RBFOX3: variants seen among roughly 807,000 people sequenced by gnomAD.
RBFOX3 encodes the protein RNA binding protein fox-1 homolog 3.
In RBFOX3, 17 loss-of-function variants were observed where a neutral mutation model predicts 48.7. The observed-to-expected ratio is 0.35, with a 90% CI of 0.24 to 0.52. The LOEUF (loss-of-function observed/expected upper bound fraction) is 0.52. RBFOX3 is among the 20% of genes least tolerant of loss of function. The probability of loss-of-function intolerance (pLI) is 0.94; values close to 1 mark genes in which losing one functional copy is unlikely to be tolerated. For missense variants in RBFOX3, 382 were observed against 497.5 expected, an observed-to-expected ratio of 0.77 and a Z score of 2.21; for synonymous variants, 212 against 209.5, an observed-to-expected ratio of 1.01 and a Z score of -0.10.
chr17:79,469,806 G>A (rs1049177902), intron 2 of RBFOX3, among the ~76,000 whole-genome samples: 5 of 152,206 alleles, frequency 3.3e-5, no homozygotes, highest in Non-Finnish European at 7.3e-5. Context: ...GAAGGAGAGC[G>A]CTCATGAGGG....
chr17:79,163,911 A>G lies in RBFOX3; in HGVS notation c.-33-48163T>C, dbSNP rs564878239. ...GCCTCCTGAACTCTTATGCTGAGCC[A>G]TGCAAACAGGCTGGGGCCAATTGGA... On this transcript the variant is annotated intron_variant, in intron 4 of 14. Coordinates refer to ENST00000693108, the MANE Select transcript of RBFOX3 (RefSeq NM_001350451.2). 2.0e-4 allele frequency among the ~76,000 whole-genome samples: 30 copies of G among 152,322 alleles called. No homozygotes were observed. In the South Asian group the frequency reaches 6.2e-3, roughly 32 times the overall value.
rs538215762 is a variant in RBFOX3 at position 79,388,006 on chromosome 17, G to A, written c.-174-80182C>T. Among the ~76,000 whole-genome samples the A allele has an allele frequency of 7.1e-3, 1,064 of 148,984 alleles. 9 individuals carry two copies. Among genetic ancestry groups the A allele is most frequent in the African/African-American group, 0.024 (1,010 of 41,314 alleles). ...TGTGCATGTGTGAATGTGTACGTGT[G>A]TGTGTGTGTGCATGCAAGTGGATAT... is the stretch of plus-strand genomic sequence containing the variant. On this transcript the variant is annotated intron_variant, in intron 2 of 14. Coordinates refer to ENST00000693108, the MANE Select transcript of RBFOX3 (RefSeq NM_001350451.2).
chr17:79,271,427 T>C (rs928290812), intron 3 of RBFOX3, among the ~76,000 whole-genome samples: 7 of 152,170 alleles, frequency 4.6e-5, no homozygotes, highest in Admixed American at 3.3e-4. Flanking sequence ...AAGCCAGGCA[T>C]GGGAGTCTTC....
intron 2 of RBFOX3, among the ~76,000 whole-genome samples, chr17:79,474,742 C>T (rs1555759458): frequency 1.3e-5 from 2 of 152,204 alleles, no homozygotes. Context: ...TCCACCATCA[C>T]CACCTGACTC....
chr17:79,617,785 C>T, the RBFOX3 span, among the ~76,000 whole-genome samples: 8 of 152,304 alleles, frequency 5.3e-5, no homozygotes, highest in Admixed American at 2.0e-4. Flanking sequence ...TTGCACAGTC[C>T]GCCCATATCA....
chr17:79,253,290 G>A (rs945110224), intron 3 of RBFOX3, among the ~76,000 whole-genome samples: 2 of 151,972 alleles, frequency 1.3e-5, no homozygotes, highest in African/African-American at 2.4e-5. Context: ...AGCCGGGGAG[G>A]ACTCGAATTA....
Position 79,482,604 on chromosome 17 carries a change from G to C in RBFOX3, c.-319-6C>G, listed in dbSNP as rs2078920940. 1 of 152,080 alleles carries C rather than the reference G, an allele frequency of 6.6e-6. No homozygotes were observed. Among genetic ancestry groups the C allele is most frequent in the African/African-American group, 2.4e-5 (1 of 41,390 alleles). 9.4% of individuals were successfully genotyped at this position (152,080 alleles called of 1,614,324 possible). A position where few individuals can be genotyped will look rare whatever the true frequency, so the allele number is the denominator to read the frequency against. On this transcript the variant is annotated splice_polypyrimidine_tract_variant and splice_region_variant and intron_variant, in intron 1 of 14. Transcript: ENST00000693108. This position sits in a 1 kb window ranked among gnomAD's most constrained non-coding sequence, Gnocchi z 4.1. ...CTCAGAGGCAGAATTTCAACCTGCA[G>C]GGGGAAAAAAGCAAGTAAAAAAATT...
At chr17:79,219,335 C>T (rs1245715965) in intron 4 of RBFOX3, among the ~76,000 whole-genome samples, 2 of 152,364 alleles carry the variant, frequency 1.3e-5, no homozygotes, top group African/African-American at 4.8e-5. Flanking sequence ...ACCACTTCTG[C>T]GCAAGCCTAG....
At chr17:79,163,319 G>T (rs2047344295) in intron 4 of RBFOX3, among the ~76,000 whole-genome samples, 1 of 152,252 alleles carries the variant, frequency 6.6e-6, no homozygotes, top group African/African-American at 2.4e-5. Context: ...CACGGCCTCA[G>T]TGTTCTGAGG....
chr17:79,510,295 G>T (rs897807655), intron 1 of RBFOX3, among the ~76,000 whole-genome samples: 271 of 152,242 alleles, frequency 1.8e-3, no homozygotes, highest in African/African-American at 6.3e-3. Context: ...GCCCTGTCCC[G>T]CCAAGCCCCC....
chr17:79,182,970 T>C (rs2146184714), intron 4 of RBFOX3, among the ~76,000 whole-genome samples: 1 of 147,864 alleles, frequency 6.8e-6, no homozygotes, highest in Non-Finnish European at 1.5e-5. Context: ...CCCTCGGGCT[T>C]CCCCGGAGAC....
rs116808496 is a variant in RBFOX3 at position 79,124,904 on chromosome 17, T to C, written c.-33-9156A>G. On this transcript the variant is annotated intron_variant, in intron 4 of 14. Transcript: ENST00000693108. ...CGGCTGGCTCTGTCCTGGACCATGG[T>C]GGACTGACCTTGTCTCGGGGGGAGC... 6.1e-3 allele frequency among the ~76,000 whole-genome samples: 913 copies of C among 150,648 alleles called. 7 individuals are homozygous for C. Among genetic ancestry groups the C allele is most frequent in the African/African-American group, 0.022 (884 of 40,870 alleles).
At chr17:79,259,229 G>T (rs1011283146) in intron 3 of RBFOX3, among the ~76,000 whole-genome samples, 9 of 152,224 alleles carry the variant, frequency 5.9e-5, no homozygotes, top group Admixed American at 3.9e-4. Context: ...GGCCCACCTG[G>T]CATCTGTGGA....
chr17:79,467,743 C>T (rs2076505899), intron 2 of RBFOX3, among the ~76,000 whole-genome samples: 1 of 152,166 alleles, frequency 6.6e-6, no homozygotes, highest in Admixed American at 6.5e-5. Flanking sequence ...GAGTGGGCAC[C>T]TCTCCTCCCT....
chr17:79,105,155 G>A lies in RBFOX3; in HGVS notation c.361-1029C>T, dbSNP rs560005646. Among the ~76,000 whole-genome samples the A allele has an allele frequency of 7.7e-4, 117 of 152,302 alleles. 1 individual carries two copies. The highest frequency in any genetic ancestry group is 2.7e-3 in the African/African-American group (113 of 41,570). Reference sequence around the variant, plus strand: ...GTCACCTCCACACAGTCCTGGAGGCGGGGGGTGCAGCAAGCCCCAGTGGGG... The same window carrying A: ...GTCACCTCCACACAGTCCTGGAGGCAGGGGGTGCAGCAAGCCCCAGTGGGG... On this transcript the variant is annotated intron_variant, in intron 6 of 14. Transcript: ENST00000693108.
chr17:79,102,377 C>T (rs2076608742), intron 8 of RBFOX3, among the ~76,000 whole-genome samples: 1 of 152,208 alleles, frequency 6.6e-6, no homozygotes, highest in East Asian at 1.9e-4. Flanking sequence ...TGCAGCCTGG[C>T]CAAGCCAGTG....
At position 79,214,062 on chromosome 17, in the gene RBFOX3, C is replaced by A. The variant is rs1224869252; in HGVS notation, c.-34+21704G>T. The stretch of plus-strand genomic sequence containing the variant: ...GGGAGGCCCGGTGAACTACAGCCAA[C>A]CCTCGCATGGCGCCGCCCAGCTCTG... On this transcript the variant is annotated intron_variant, in intron 4 of 14. Transcript: ENST00000693108. This position sits in a 1 kb window ranked among gnomAD's most constrained non-coding sequence, Gnocchi z 4.7. Among the ~76,000 whole-genome samples, 1 of 152,140 alleles carries A rather than the reference C, an allele frequency of 6.6e-6. No homozygotes were observed. The highest frequency in any genetic ancestry group is 1.9e-4 in the East Asian group (1 of 5,184).
chr17:79,365,816 C>T (rs1179732877), intron 2 of RBFOX3, among the ~76,000 whole-genome samples: 5 of 152,232 alleles, frequency 3.3e-5, no homozygotes, highest in African/African-American at 1.2e-4. Flanking sequence ...CTGGCAGGGT[C>T]AAGGGGCTAT....
chr17:79,525,443 G>A (rs978360444), intron 1 of RBFOX3, among the ~76,000 whole-genome samples: 67 of 152,276 alleles, frequency 4.4e-4, no homozygotes, highest in African/African-American at 1.5e-3. Context: ...AGGTGAGTTT[G>A]CCAAAAAGTG....
Sources: gnomAD v4.1 joint callset for allele counts (sites outside exome capture counted in the v4.1 genomes callset) on GRCh38, gnomAD v4.1.1 for gene constraint, Gnocchi (gnomAD v3.1) non-coding constraint, MANE v1.5 for transcripts, NCBI Gene and HGNC (gene_info 2026-07-23, HGNC 2026-07-21) for gene names.